KHDRBS2: variants seen among roughly 807,000 people sequenced by gnomAD.
The protein encoded by KHDRBS2 is KH RNA binding domain containing, signal transduction associated 2.
In KHDRBS2, 26 loss-of-function variants were observed where a neutral mutation model predicts 44.3. The observed-to-expected ratio is 0.59, with a 90% CI of 0.43 to 0.81. The LOEUF is 0.81. Among genes scored for constraint, KHDRBS2 ranks in the 40% least tolerant of loss-of-function variants. The pLI, the probability that KHDRBS2 is intolerant of heterozygous loss-of-function variation, is 0.00. For missense variants in KHDRBS2, 476 were observed against 433.1 expected (o/e 1.10, Z -0.88); for synonymous variants, 194 against 151.1 (o/e 1.28, Z -2.08).
intron 6 of KHDRBS2, among the ~76,000 whole-genome samples, chr6:61,858,606 C>T (rs1796477816): frequency 2.6e-5 from 4 of 151,988 alleles, no homozygotes; most frequent in South Asian, 4.1e-4. Context: ...TTTACTGTAT[C>T]AATTTTCCGG....
At chr6:61,790,340 T>C (rs1331358893) in intron 6 of KHDRBS2, among the ~76,000 whole-genome samples, 4 of 150,908 alleles carry the variant, frequency 2.7e-5, no homozygotes, top group Admixed American at 1.3e-4. Context: ...CTTAAGTGAA[T>C]GCAATTTAAA....
chr6:61,690,345 T>C (rs1056531642), intron 8 of KHDRBS2, among the ~76,000 whole-genome samples: 2 of 152,010 alleles, frequency 1.3e-5, no homozygotes, highest in South Asian at 4.1e-4. Context: ...TTCTTGTACA[T>C]GATCTGTTCA....
chr6:61,894,668 A>T lies in KHDRBS2; in HGVS notation c.777T>A (p.Pro259=). The change falls in exon 6 of 9, where the codon CCT becomes CCA. Residue 259 remains proline (P), a synonymous_variant. Transcript: ENST00000281156. ...GAPTVPGYRA[P]PPPAHEAYEE... is the part of the protein sequence containing the mutation. Reference sequence around the variant, plus strand: ...CATAAGCTTCATGGGCTGGAGGAGGAGGTGCCCTGTATCCTGGCACTGTTG... The same window carrying T: ...CATAAGCTTCATGGGCTGGAGGAGGTGGTGCCCTGTATCCTGGCACTGTTG... 1 of 1,612,868 alleles carries T rather than the reference A, an allele frequency of 6.2e-7. No individual in the cohort carries two copies. Among genetic ancestry groups the T allele is most frequent in the Non-Finnish European group, 8.5e-7 (1 of 1,179,612 alleles).
intron 4 of KHDRBS2, among the ~76,000 whole-genome samples, chr6:61,932,028 T>C (rs1337255346): frequency 1.3e-5 from 2 of 152,328 alleles, no homozygotes; most frequent in East Asian, 3.9e-4. Context: ...ATACAATATA[T>C]AATATGTATA....
At chr6:62,258,848 C>G (rs567511913) in intron 1 of KHDRBS2, among the ~76,000 whole-genome samples, 2 of 151,986 alleles carry the variant, frequency 1.3e-5, no homozygotes, top group African/African-American at 4.8e-5. Flanking sequence ...GGAGGCAGTT[C>G]AAGCTCTGCA....
At chr6:61,754,397 G>C (rs1778173940) in intron 6 of KHDRBS2, among the ~76,000 whole-genome samples, 1 of 152,080 alleles carries the variant, frequency 6.6e-6, no homozygotes, top group African/African-American at 2.4e-5. Context: ...CTCAATAAGT[G>C]AGCAAGTGAG....
At chr6:62,264,984 T>C (rs1040909328) in intron 1 of KHDRBS2, among the ~76,000 whole-genome samples, 7 of 151,802 alleles carry the variant, frequency 4.6e-5, no homozygotes, top group African/African-American at 1.7e-4. Context: ...ATTAACAATT[T>C]CAACTATCTA....
At chr6:61,786,200 G>A (rs572618791) in intron 6 of KHDRBS2, among the ~76,000 whole-genome samples, 1 of 152,124 alleles carries the variant, frequency 6.6e-6, no homozygotes, top group East Asian at 1.9e-4. Context: ...GGGAGAGAGA[G>A]AGAGAACAGA....
At chr6:61,761,032 G>T (rs1201400708) in intron 6 of KHDRBS2, among the ~76,000 whole-genome samples, 1 of 152,198 alleles carries the variant, frequency 6.6e-6, no homozygotes, top group Non-Finnish European at 1.5e-5. Context: ...AATGAAATTT[G>T]CAGCAGCTTT....
chr6:61,745,512 G>A (rs1776735637), intron 6 of KHDRBS2, among the ~76,000 whole-genome samples: 1 of 152,096 alleles, frequency 6.6e-6, no homozygotes, highest in African/African-American at 2.4e-5. Flanking sequence ...GCTGCTTCAG[G>A]ATAGAACCCA....
chr6:61,653,550 G>A, the KHDRBS2 span, among the ~76,000 whole-genome samples: 1 of 151,916 alleles, frequency 6.6e-6, no homozygotes, highest in Non-Finnish European at 1.5e-5. Flanking sequence ...GTGGACACTA[G>A]GAATGCAAAG....
intron 6 of KHDRBS2, among the ~76,000 whole-genome samples, chr6:61,891,640 C>T (rs139806902): frequency 2.0e-4 from 31 of 152,100 alleles, no homozygotes; most frequent in Non-Finnish European, 2.6e-4. Flanking sequence ...ACAGAACCAA[C>T]GACAAAAACC....
At chr6:62,084,142 T>A (rs374910261) in intron 2 of KHDRBS2, among the ~76,000 whole-genome samples, 4 of 152,166 alleles carry the variant, frequency 2.6e-5, no homozygotes, top group South Asian at 2.1e-4. Flanking sequence ...TAATGGAGAT[T>A]GCAGATGCTT....
chr6:62,178,284 C>A (rs763258310), intron 1 of KHDRBS2, among the ~76,000 whole-genome samples: 1 of 151,504 alleles, frequency 6.6e-6, no homozygotes, highest in Non-Finnish European at 1.5e-5. Context: ...GAAAACCAAG[C>A]TTTGCTTGCT....
intron 3 of KHDRBS2, among the ~76,000 whole-genome samples, chr6:62,005,106 C>T (rs1778975041): frequency 6.6e-6 from 1 of 152,020 alleles, no homozygotes; most frequent in South Asian, 2.1e-4. Context: ...GTTCTGATTA[C>T]AATCTCTTGA....
chr6:61,860,541 G>A lies in KHDRBS2; in HGVS notation c.810+34094C>T, dbSNP rs1796781977. Among the ~76,000 whole-genome samples the A allele has an allele frequency of 3.3e-5, 5 of 152,088 alleles. No individual in the cohort carries two copies. In the South Asian group the frequency reaches 6.2e-4, roughly 19 times the overall value. On this transcript the variant is annotated intron_variant, in intron 6 of 8. Transcript: ENST00000281156. ...CCAGCTGCATCATGTCCCTGCAAAG[G>A]ACATGATCTTGTTCTTTTTTATGGC...
At chr6:62,260,634 C>A (rs1838187036) in intron 1 of KHDRBS2, among the ~76,000 whole-genome samples, 1 of 151,788 alleles carries the variant, frequency 6.6e-6, no homozygotes, top group Non-Finnish European at 1.5e-5. Flanking sequence ...TGCTTTTTTA[C>A]CTGGAATTCC....
the KHDRBS2 span, among the ~76,000 whole-genome samples, chr6:61,592,323 A>T: frequency 1.8e-4 from 27 of 152,184 alleles, no homozygotes; most frequent in African/African-American, 6.0e-4. Context: ...CTTTTATATC[A>T]TCTTGAGGTT....
At chr6:62,023,705 T>A (rs1402277514) in intron 3 of KHDRBS2, among the ~76,000 whole-genome samples, 1 of 151,454 alleles carries the variant, frequency 6.6e-6, no homozygotes, top group African/African-American at 2.4e-5. Flanking sequence ...CATAACACTT[T>A]GCATCATCAT....
Sources: gnomAD v4.1 joint callset for allele counts (sites outside exome capture counted in the v4.1 genomes callset) on GRCh38, gnomAD v4.1.1 for gene constraint, MANE v1.5 for transcripts, NCBI Gene and HGNC (gene_info 2026-07-23, HGNC 2026-07-21) for gene names.